Variants in KRTAP13-4 observed in about 807,000 individuals in gnomAD.
The protein encoded by KRTAP13-4 is keratin-associated protein 13-4.
For missense variants in KRTAP13-4, 198 were observed against 189.6 expected (o/e 1.04, Z -0.26); for synonymous variants, 80 against 77.2 (o/e 1.04, Z -0.19).
chr21:30,430,545 C>T (rs1178704250), exon 1 of KRTAP13-4: 1 of 1,614,212 alleles, frequency 6.2e-7, no homozygotes. Flanking sequence ...TTCGGTCCAG[C>T]AGCTGTCGCT....
chr21:30,430,258 C>T, exon 1 of KRTAP13-4: 1 of 1,576,192 alleles, frequency 6.3e-7, no homozygotes, highest in Non-Finnish European at 8.6e-7. Context: ...CTCAGCTGAA[C>T]TCCCATCTCT....
chr21:30,430,301 A>G, exon 1 of KRTAP13-4: 1 of 1,611,640 alleles, frequency 6.2e-7, no homozygotes, highest in Non-Finnish European at 8.5e-7. Flanking sequence ...TGCTCTAGAA[A>G]CTTCTCCTCC....
In KRTAP13-4 at chr21:30,430,518, C is replaced by T. The variant is rs142451771; in HGVS notation, c.243C>T (p.Cys81=). Residue 81 remains cysteine (C), a synonymous_variant, in exon 1 of 1, where the codon TGC becomes TGT. Transcript: ENST00000334068. ...TCTGCTGTCCCTGTCAGACGACTTGCTCTGGATCTCTAGGCTTTCGGTCCA... is the reference window on the plus strand; with the variant it reads ...TCTGCTGTCCCTGTCAGACGACTTGTTCTGGATCTCTAGGCTTTCGGTCCA... The T allele has an allele frequency of 1.9e-6, 3 of 1,614,234 alleles. No individual in the cohort carries two copies. The African/African-American group carries it at 4.0e-5, about 22-fold the overall frequency.
chr21:30,430,645 T>C, exon 1 of KRTAP13-4: 1 of 1,614,206 alleles, frequency 6.2e-7, no homozygotes, highest in South Asian at 1.1e-5. Context: ...TGGTTTTCCT[T>C]CCCTGAGTTA....
At chr21:30,431,021 CCCAA>C in exon 1 of KRTAP13-4, 1 of 333,842 alleles carries the variant, frequency 3.0e-6, no homozygotes, top group Non-Finnish European at 5.7e-6. Context: ...TAATCTGGTA[CCCAA>C]ATATATTGTT....
exon 1 of KRTAP13-4, chr21:30,430,271 T>G (rs1984412559): frequency 6.3e-7 from 1 of 1,594,996 alleles, no homozygotes. Flanking sequence ...CCATCTCTCA[T>G]CAGCATGTCC....
In KRTAP13-4 at chr21:30,430,311, C is replaced by T. The variant is rs73356729; in HGVS notation, c.36C>T (p.Ser12=). 7.5e-3 allele frequency: 12,132 copies of T among 1,612,796 alleles called. 626 individuals are homozygous for T. In the African/African-American group the frequency reaches 0.12, roughly 16 times the overall value. ...ACTGCTGCTCTAGAAACTTCTCCTC[C>T]CGCTCCTTTGGGGGCTACCTGTACT... Residue 12 remains serine (S), a synonymous_variant, in exon 1 of 1, where the codon TCC becomes TCT. Coordinates refer to ENST00000334068, the Ensembl canonical transcript of KRTAP13-4.
exon 1 of KRTAP13-4, chr21:30,430,660 T>A (rs1280927472): frequency 7.4e-6 from 12 of 1,614,084 alleles, no homozygotes; most frequent in Non-Finnish European, 8.5e-6. Flanking sequence ...GAGTTACGGA[T>A]CCAGATTCTG....
At chr21:30,430,643 C>T in exon 1 of KRTAP13-4, 1 of 1,614,178 alleles carries the variant, frequency 6.2e-7, no homozygotes, top group Non-Finnish European at 8.5e-7. Flanking sequence ...TGTGGTTTTC[C>T]TTCCCTGAGT....
rs139303515 is a variant in KRTAP13-4 at position 30,430,406 on chromosome 21, G to A, written c.131G>A (p.Arg44His). The change falls in exon 1 of 1, where the codon CGT becomes CAT. Residue 44 changes from arginine to histidine, a missense_variant. By Grantham distance (29) the Arg-to-His change is conservative. Coordinates refer to ENST00000334068, the Ensembl canonical transcript of KRTAP13-4. Reference sequence around the variant, plus strand: ...TGCTCTCCCAGCACCTGCCAGCTGCGTTCCTCTCTCTACAGGGACTGTCAG... The same window carrying A: ...TGCTCTCCCAGCACCTGCCAGCTGCATTCCTCTCTCTACAGGGACTGTCAG... The A allele has an allele frequency of 1.7e-4, 282 of 1,614,128 alleles. No homozygotes were observed. Among genetic ancestry groups the A allele is most frequent in the Non-Finnish European group, 2.1e-4 (252 of 1,180,028 alleles).
chr21:30,430,854 AC>A, exon 1 of KRTAP13-4: 1 of 1,433,612 alleles, frequency 7.0e-7, no homozygotes, highest in Non-Finnish European at 9.4e-7. Context: ...TTATTCTTCC[AC>A]CACCAGCTTC....
the KRTAP13-4 span, chr21:30,430,428 T>A: frequency 1.2e-6 from 2 of 1,613,924 alleles, no homozygotes; most frequent in Non-Finnish European, 1.7e-6. Flanking sequence ...ACAGGGACTG[T>A]CAGAAGACCT....
Position 30,430,380 on chromosome 21 carries a change from C to T in KRTAP13-4, c.105C>T (p.Leu35=), listed in dbSNP as rs1193258134. The stretch of plus-strand genomic sequence containing the variant: ...GCAGCCTGGTCTACAGCACTGCCCT[C>T]TGCTCTCCCAGCACCTGCCAGCTGC... The change falls in exon 1 of 1, where the codon CTC becomes CTT. Residue 35 remains leucine, a synonymous_variant. Transcript: ENST00000334068. The T allele has an allele frequency of 1.9e-6, 3 of 1,614,206 alleles. No homozygotes were observed. In the South Asian group the frequency reaches 3.3e-5, roughly 18 times the overall value.
At chr21:30,430,381 T>C in exon 1 of KRTAP13-4, 1 of 1,614,216 alleles carries the variant, frequency 6.2e-7, no homozygotes, top group Middle Eastern at 1.6e-4. Context: ...CACTGCCCTC[T>C]GCTCTCCCAG....
chr21:30,430,809 C>T (rs1984444343), exon 1 of KRTAP13-4: 6 of 1,524,492 alleles, frequency 3.9e-6, no homozygotes, highest in Non-Finnish European at 5.3e-6. Context: ...TGAATGCAGC[C>T]ATTATTTTCA....
At chr21:30,430,646 C>T (rs1408912421) in exon 1 of KRTAP13-4, 2 of 1,614,198 alleles carry the variant, frequency 1.2e-6, no homozygotes, top group Non-Finnish European at 1.7e-6. Context: ...GGTTTTCCTT[C>T]CCTGAGTTAC....
At chr21:30,430,592 G>A (rs775980274) in exon 1 of KRTAP13-4, 7 of 1,614,088 alleles carry the variant, frequency 4.3e-6, no homozygotes, top group East Asian at 2.2e-5. Flanking sequence ...TACTCGCTGG[G>A]AAATGGATCC....
chr21:30,430,945 A>G (rs1415998096), exon 1 of KRTAP13-4: 1 of 575,652 alleles, frequency 1.7e-6, no homozygotes, highest in Non-Finnish European at 3.0e-6. Context: ...CATTGATCGA[A>G]TATATGCTAT....
exon 1 of KRTAP13-4, chr21:30,430,959 A>T: frequency 4.0e-6 from 2 of 504,416 alleles, no homozygotes; most frequent in Non-Finnish European, 6.9e-6. Context: ...ATGCTATCTG[A>T]TTTTCATCCA....
Sources: allele counts gnomAD v4.1 joint callset, GRCh38; gene constraint gnomAD v4.1.1; transcripts MANE v1.5; gene names NCBI Gene and HGNC (gene_info 2026-07-23, HGNC 2026-07-21).